The following ATP8A1 variants were observed in gnomAD, a reference collection of about 807,000 sequenced individuals.
ATP8A1 encodes phospholipid-transporting ATPase IA.
In ATP8A1, 90 loss-of-function variants were observed where a neutral mutation model predicts 177.7. The ratio of observed to expected loss-of-function variants is 0.51; its 90% CI spans 0.43 to 0.60. The LOEUF (loss-of-function observed/expected upper bound fraction) is 0.60. ATP8A1 is among the 20% of genes least tolerant of loss of function. ATP8A1 has a pLI of 0.00. For synonymous variants in ATP8A1, 493 were observed against 485.9 expected, an observed-to-expected ratio of 1.01 and a Z score of -0.19; for missense variants, 1,072 against 1,392.8, an observed-to-expected ratio of 0.77 and a Z score of 3.67.
chr4:42,495,588 C>G (rs1723189878), intron 24 of ATP8A1, among the ~76,000 whole-genome samples: 1 of 147,426 alleles, frequency 6.8e-6, no homozygotes, highest in Admixed American at 6.9e-5. Context: ...AAAATCAAAA[C>G]TTATTTTAAA....
At chr4:42,494,541 T>A (rs983326692) in intron 24 of ATP8A1, among the ~76,000 whole-genome samples, 3 of 152,214 alleles carry the variant, frequency 2.0e-5, no homozygotes, top group Non-Finnish European at 2.9e-5. Context: ...TCAATTTACC[T>A]TTTGACTGCC....
intron 10 of ATP8A1, 103 bp downstream of exon 10, chr4:42,581,518 G>T: frequency 1.2e-6 from 1 of 826,724 alleles, no homozygotes; most frequent in Non-Finnish European, 2.1e-6. Context: ...TCAGGAGTCT[G>T]TGACAGATGG....
At chr4:42,541,935 T>C (rs1192507996) in intron 20 of ATP8A1, among the ~76,000 whole-genome samples, 4 of 152,186 alleles carry the variant, frequency 2.6e-5, no homozygotes, top group Admixed American at 6.5e-5. Flanking sequence ...CTGTATATGA[T>C]ACCATAATGG....
At chr4:42,510,018 A>T (rs1299171384) in intron 22 of ATP8A1, among the ~76,000 whole-genome samples, 1 of 152,182 alleles carries the variant, frequency 6.6e-6, no homozygotes, top group East Asian at 1.9e-4. Context: ...ATTAGGGACC[A>T]CGTCTTGCTC....
At chr4:42,565,910 T>C (rs1731297141) in intron 15 of ATP8A1, among the ~76,000 whole-genome samples, 1 of 152,224 alleles carries the variant, frequency 6.6e-6, no homozygotes, top group Admixed American at 6.5e-5. Context: ...GTATTGATAC[T>C]ATCAATCTAG....
chr4:42,598,898 T>A (rs572947053), intron 6 of ATP8A1, among the ~76,000 whole-genome samples: 2 of 152,312 alleles, frequency 1.3e-5, no homozygotes, highest in African/African-American at 4.8e-5. Context: ...TCAGCTCTTT[T>A]GGGCTGGATG....
At chr4:42,654,474 G>A (rs532322472) in intron 1 of ATP8A1, among the ~76,000 whole-genome samples, 1 of 152,210 alleles carries the variant, frequency 6.6e-6, no homozygotes, top group African/African-American at 2.4e-5. Flanking sequence ...ATTCGGGAGG[G>A]CAGGCTCCAA....
rs1726198927 is a variant in ATP8A1, at chr4:42,522,198, G to T, written c.1909C>A (p.Leu637Ile). 1.9e-6 allele frequency: 3 copies of T among 1,613,042 alleles called. No individual in the cohort carries two copies. In the Admixed American group the frequency reaches 5.0e-5, roughly 27 times the overall value. ...QRASTSVQNR[L>I]LKLEESYELI... ...TCATAACTCTCTTCGAGTTTGAGTA[G>T]CCTGTTCTGCACAGATGTAGATGCT... The change falls in exon 22 of 37, where the codon CTA (leucine) becomes ATA (isoleucine). Residue 637 changes from leucine to isoleucine, a missense_variant. Physicochemically the swap from Leu to Ile is conservative, Grantham distance 5. Transcript: ENST00000381668.
At chr4:42,459,609 A>G (rs1409354144) in intron 27 of ATP8A1, 2 of 239,830 alleles carry the variant, frequency 8.3e-6, no homozygotes, top group African/African-American at 4.6e-5. Flanking sequence ...ATTACTTTAG[A>G]AAAGAACTAC....
At chr4:42,479,655 GA>G (rs1165768064) in intron 25 of ATP8A1, among the ~76,000 whole-genome samples, 2 of 152,248 alleles carry the variant, frequency 1.3e-5, no homozygotes, top group African/African-American at 4.8e-5. Flanking sequence ...GCCTTCAGTA[GA>G]AAGCTACAGA....
chr4:42,487,263 C>T (rs1268129657), intron 24 of ATP8A1, among the ~76,000 whole-genome samples: 1 of 152,126 alleles, frequency 6.6e-6, no homozygotes, highest in Admixed American at 6.6e-5. Context: ...CTTTGTTCAC[C>T]TCAACTATTT....
At chr4:42,536,797 G>T (rs1173636062) in intron 20 of ATP8A1, among the ~76,000 whole-genome samples, 4 of 152,162 alleles carry the variant, frequency 2.6e-5, no homozygotes, top group African/African-American at 9.7e-5. Flanking sequence ...ACATCTGCAA[G>T]TCAATAAATG....
At chr4:42,571,464 T>TA (rs1491368177) in intron 14 of ATP8A1, among the ~76,000 whole-genome samples, 1 of 65,448 alleles carries the variant, frequency 1.5e-5, no homozygotes, top group Non-Finnish European at 3.4e-5. Context: ...AAGGTCTAAA[T>TA]TTTTTTTTTT....
chr4:42,581,335 G>GTGT (rs1733040000), intron 10 of ATP8A1, among the ~76,000 whole-genome samples: 1 of 152,072 alleles, frequency 6.6e-6, no homozygotes, highest in Non-Finnish European at 1.5e-5. Flanking sequence ...GGCTTTCACC[G>GTGT]TGTTAGCCAG....
At chr4:42,577,014 A>G in intron 12 of ATP8A1, among the ~76,000 whole-genome samples, 1 of 152,238 alleles carries the variant, frequency 6.6e-6, no homozygotes, top group East Asian at 1.9e-4. Flanking sequence ...TCATTTTCAC[A>G]CAAGAAAGTT....
Position 42,446,636 on chromosome 4 carries a change from A to G in ATP8A1, c.2905T>C (p.Phe969Leu), listed in dbSNP as rs1433815110. ...TAATCCGAGGTTTTCCCATTTCCAA[A>G]TGCAGTACCTGTACGAAAAGGAGAG... ...PLKALQYGTA[F>L]GNGKTSDYLL... Residue 969 changes from phenylalanine to leucine, a missense_variant, in exon 31 of 37, where the codon TTT becomes CTT. This residue lies in a region of ATP8A1 where 316 missense variants were observed against 459.1 expected (regional missense o/e 0.69). Coordinates refer to ENST00000381668, the MANE Select transcript of ATP8A1 (RefSeq NM_006095.2). 3 of 1,613,800 alleles carry G rather than the reference A, an allele frequency of 1.9e-6. No homozygotes were observed. In the East Asian group the frequency reaches 6.7e-5, roughly 36 times the overall value.
chr4:42,509,293 T>G (rs932356550), intron 22 of ATP8A1, among the ~76,000 whole-genome samples: 1 of 152,220 alleles, frequency 6.6e-6, no homozygotes, highest in Non-Finnish European at 1.5e-5. Flanking sequence ...TTCCAAATAC[T>G]CGGCCAGATA....
rs1577633839 is a variant in ATP8A1 at position 42,579,943 on chromosome 4, C to T, written c.870G>A (p.Val290=). The T allele has an allele frequency of 6.2e-7, 1 of 1,610,592 alleles. No homozygotes were observed. Among genetic ancestry groups the T allele is most frequent in the Non-Finnish European group, 8.5e-7 (1 of 1,178,142 alleles). Residue 290 remains valine (V), a synonymous_variant, in exon 11 of 37, where the codon GTG becomes GTA. Coordinates refer to ENST00000381668, the MANE Select transcript of ATP8A1 (RefSeq NM_006095.2). The part of the protein sequence containing the change: ...STSPPLKLSN[V]ERITNVQILI... ...AAATTTGTACATTTGTAATCCGTTC[C>T]ACATTTGAGAGCTTAAGTGGTGGAC...
chr4:42,641,169 G>GA (rs1033172111), intron 1 of ATP8A1, among the ~76,000 whole-genome samples: 1 of 152,024 alleles, frequency 6.6e-6, no homozygotes, highest in South Asian at 2.1e-4. Context: ...CAGATGACAT[G>GA]AAAAAAATCA....
Sources: allele counts gnomAD v4.1 joint callset (sites outside exome capture counted in the v4.1 genomes callset), GRCh38; gene constraint gnomAD v4.1.1; regional missense constraint gnomAD v4.1.1; transcripts MANE v1.5; gene names NCBI Gene and HGNC (gene_info 2026-07-23, HGNC 2026-07-21).